Variants in CSMD3 observed in about 807,000 individuals in gnomAD.
The protein encoded by CSMD3 is CUB and Sushi multiple domains 3.
Under a neutral mutation model 435.2 loss-of-function variants are expected in CSMD3, and 177 were observed. That is an observed-to-expected ratio of 0.41 (90% CI 0.36 to 0.46). The LOEUF is 0.46. Among genes scored for constraint, CSMD3 ranks in the 20% least tolerant of loss-of-function variants. CSMD3 has a pLI of 0.34. For synonymous variants in CSMD3, 1,656 were observed against 1,520.5 expected (o/e 1.09, Z -2.07); for missense variants, 4,265 against 4,504.6 (o/e 0.95, Z 1.52).
Position 112,336,727 on chromosome 8 carries a change from A to G in CSMD3, c.6944T>C (p.Val2315Ala), listed in dbSNP as rs2130957715. 1 of 1,613,152 alleles carries G rather than the reference A, an allele frequency of 6.2e-7. No homozygotes were observed. The highest frequency in any genetic ancestry group is 8.5e-7 in the Non-Finnish European group (1 of 1,179,234). ...GATGTAGATGCCATTCCCAGGGGGT[A>G]CTCTTACAAGCCAAAAACAATCTTG... Reference protein sequence around the residue: ...NFQDCFWLVRVPPGNGIYINF... With the variant: ...NFQDCFWLVRAPPGNGIYINF... Residue 2315 changes from valine to alanine, a missense_variant, in exon 44 of 71, where the codon GTA becomes GCA. Val to Ala is a moderately conservative substitution (Grantham distance 64, BLOSUM62 0). This residue lies in a region of CSMD3 where 3,255 missense variants were observed against 3,380.2 expected (regional missense o/e 0.96). Transcript: ENST00000297405.
intron 32 of CSMD3, among the ~76,000 whole-genome samples, chr8:112,435,719 G>C (rs903665814): frequency 6.6e-6 from 1 of 151,896 alleles, no homozygotes; most frequent in African/African-American, 2.4e-5. Flanking sequence ...TTTTTAACTT[G>C]TATACTTTCA....
intron 1 of CSMD3, among the ~76,000 whole-genome samples, chr8:113,426,101 T>G (rs2130005472): frequency 6.6e-6 from 1 of 151,576 alleles, no homozygotes; most frequent in Admixed American, 6.6e-5. Flanking sequence ...GTATTTTTTT[T>G]GCCAGTTTTT....
chr8:113,375,230 A>T (rs1461261392), intron 1 of CSMD3, among the ~76,000 whole-genome samples: 2 of 152,144 alleles, frequency 1.3e-5, no homozygotes, highest in Non-Finnish European at 2.9e-5. Context: ...TCCCCAAATC[A>T]TTGCTAATGT....
chr8:112,857,866 G>T (rs1453867841), intron 11 of CSMD3, among the ~76,000 whole-genome samples: 6 of 150,972 alleles, frequency 4.0e-5, no homozygotes, highest in Non-Finnish European at 7.4e-5. Flanking sequence ...CCAATAATTT[G>T]CACAGAGAAA....
chr8:113,374,508 C>T (rs2094366260), intron 1 of CSMD3, among the ~76,000 whole-genome samples: 1 of 152,038 alleles, frequency 6.6e-6, no homozygotes. Context: ...TCATCTGTCA[C>T]CCTACTTTCA....
chr8:113,141,067 A>T (rs2091537056), intron 4 of CSMD3, among the ~76,000 whole-genome samples: 1 of 151,108 alleles, frequency 6.6e-6, no homozygotes. Flanking sequence ...ATTTACAATC[A>T]TAAATTTGAT....
In CSMD3 at chr8:112,977,475, T is replaced by A. The variant is rs76726002; in HGVS notation, c.1031-1327A>T. ...TTTGAGAATACTCTGCCTTTTTTAT[T>A]TTCCTCTTGTGCTGTAGACAGGTGA... On this transcript the variant is annotated intron_variant, in intron 6 of 70. Transcript: ENST00000297405. Among the ~76,000 whole-genome samples, 1,008 of 152,184 alleles carry A rather than the reference T, an allele frequency of 6.6e-3. 12 individuals are homozygous for A. The highest frequency in any genetic ancestry group is 0.023 in the African/African-American group (966 of 41,554).
intron 11 of CSMD3, 128 bp from the exon 12 acceptor site, chr8:112,829,917 A>G: frequency 3.6e-6 from 2 of 556,952 alleles, no homozygotes; most frequent in South Asian, 4.7e-5. Flanking sequence ...ACACACACAC[A>G]CACACACACA....
intron 13 of CSMD3, among the ~76,000 whole-genome samples, chr8:112,726,081 G>A (rs1212496405): frequency 6.6e-6 from 1 of 151,874 alleles, no homozygotes; most frequent in East Asian, 1.9e-4. Context: ...AACGCAGGAG[G>A]AACTACCAAA....
Position 112,506,849 on chromosome 8 carries a change from A to T in CSMD3, c.4757-20T>A. ...AGGGTGCTTTAATTTAAACAAACAA[A>T]TAAAATCTCTTTAAACATTAATACA... On this transcript the variant is annotated intron_variant, in intron 28 of 70. Coordinates refer to ENST00000297405, the MANE Select transcript of CSMD3 (RefSeq NM_198123.2). 4 of 1,598,040 alleles carry T rather than the reference A, an allele frequency of 2.5e-6. No homozygotes were observed. Among genetic ancestry groups the T allele is most frequent in the Non-Finnish European group, 3.4e-6 (4 of 1,167,958 alleles).
At chr8:112,623,589 T>G (rs1428292237) in intron 22 of CSMD3, among the ~76,000 whole-genome samples, 1 of 151,940 alleles carries the variant, frequency 6.6e-6, no homozygotes, top group African/African-American at 2.4e-5. Flanking sequence ...TATGTATACA[T>G]GTGCCATGCT....
chr8:113,092,188 A>G (rs1472656566), intron 5 of CSMD3, among the ~76,000 whole-genome samples: 1 of 151,942 alleles, frequency 6.6e-6, no homozygotes, highest in Non-Finnish European at 1.5e-5. Flanking sequence ...CACTTTCTTC[A>G]TCTGTCTCAC....
At position 112,337,582 on chromosome 8, in the gene CSMD3, C is replaced by T. The variant is rs1707867405; in HGVS notation, c.6802G>A (p.Val2268Ile). 6.2e-7 allele frequency: 1 copy of T among 1,613,778 alleles called. No homozygotes were observed. The highest frequency in any genetic ancestry group is 1.1e-5 in the South Asian group (1 of 91,084). Residue 2268 changes from valine (V) to isoleucine (I), a missense_variant, in exon 43 of 71, where the codon GTC (valine) becomes ATC (isoleucine). Transcript: ENST00000297405. ...AGTGGATGATTCCAATTACGACTGA[C>T]TCCGTGAAGGCATGTGAGAGCTGAA... ...GNSALTCLHG[V>I]SRNWNHPLPR...
intron 32 of CSMD3, among the ~76,000 whole-genome samples, chr8:112,423,812 C>T (rs781357820): frequency 2.6e-5 from 4 of 152,042 alleles, no homozygotes; most frequent in Non-Finnish European, 4.4e-5. Flanking sequence ...AAGCAATGAG[C>T]CTATTAATGT....
chr8:112,748,732 G>A (rs146419090), intron 13 of CSMD3, among the ~76,000 whole-genome samples: 1 of 152,130 alleles, frequency 6.6e-6, no homozygotes, highest in East Asian at 1.9e-4. Flanking sequence ...TCTTTATCCA[G>A]TCTGTCATTG....
At chr8:112,748,205 G>C (rs2132089088) in intron 13 of CSMD3, among the ~76,000 whole-genome samples, 1 of 152,258 alleles carries the variant, frequency 6.6e-6, no homozygotes, top group African/African-American at 2.4e-5. Flanking sequence ...GAGAAGCTAA[G>C]TAGGAAAAAA....
chr8:112,417,669 CT>C (rs1341191950), intron 32 of CSMD3, among the ~76,000 whole-genome samples: 1 of 152,152 alleles, frequency 6.6e-6, no homozygotes, highest in African/African-American at 2.4e-5. Context: ...ATGCACTTCT[CT>C]GTCTACTTGA....
chr8:113,133,118 C>T (rs1044015562), intron 4 of CSMD3, among the ~76,000 whole-genome samples: 1 of 152,004 alleles, frequency 6.6e-6, no homozygotes, highest in Non-Finnish European at 1.5e-5. Flanking sequence ...GGACAATCAA[C>T]AGAGTAAAAG....
intron 11 of CSMD3, among the ~76,000 whole-genome samples, chr8:112,856,833 G>A (rs1248429111): frequency 6.6e-6 from 1 of 151,774 alleles, no homozygotes; most frequent in Non-Finnish European, 1.5e-5. Context: ...TGGGATGTAT[G>A]CCAACTAGTA....
Sources: gnomAD v4.1 joint callset for allele counts (sites outside exome capture counted in the v4.1 genomes callset) on GRCh38, gnomAD v4.1.1 for gene constraint, gnomAD v4.1.1 regional missense constraint, MANE v1.5 for transcripts, NCBI Gene and HGNC (gene_info 2026-07-23, HGNC 2026-07-21) for gene names.